EIF2AK2: variants seen among roughly 807,000 people sequenced by gnomAD.
EIF2AK2 encodes the protein eukaryotic translation initiation factor 2 alpha kinase 2, also known as interferon-induced, double-stranded RNA-activated protein kinase.
EIF2AK2 carries 40 observed loss-of-function variants against 70.5 expected under a neutral mutation model. The ratio of observed to expected loss-of-function variants is 0.57; its 90% CI spans 0.44 to 0.74. EIF2AK2 has a LOEUF of 0.74. Ranked by LOEUF, EIF2AK2 falls within the 30% of genes least tolerant of loss-of-function variation. The probability of loss-of-function intolerance (pLI) is 0.00; values close to 1 mark genes in which losing one functional copy is unlikely to be tolerated. For synonymous variants in EIF2AK2, 198 were observed against 220.9 expected (o/e 0.90, Z 0.92); for missense variants, 555 against 644.3 (o/e 0.86, Z 1.50).
chr2:37,111,398 C>CT (rs567678890), intron 14 of EIF2AK2, among the ~76,000 whole-genome samples: 2,379 of 130,842 alleles, frequency 0.018, 20 homozygotes, highest in Non-Finnish European at 0.027. Flanking sequence ...AATTTCTTTT[C>CT]TTTTTTTTTT....
chr2:37,145,286 G>A (rs1295025550), intron 4 of EIF2AK2, among the ~76,000 whole-genome samples: 1 of 151,680 alleles, frequency 6.6e-6, no homozygotes, highest in African/African-American at 2.4e-5. Context: ...GGAATTATAG[G>A]TGCCCACCAC....
At chr2:37,114,638 T>A (rs1674272582) in intron 14 of EIF2AK2, 93 bp downstream of exon 14, 1 of 1,183,792 alleles carries the variant, frequency 8.4e-7, no homozygotes, top group Non-Finnish European at 1.1e-6. Flanking sequence ...TATATACTTC[T>A]GTACAGTTTT....
chr2:37,156,704 A>G (rs1168093806), intron 1 of EIF2AK2, among the ~76,000 whole-genome samples: 14 of 152,202 alleles, frequency 9.2e-5, no homozygotes. Context: ...GGATTTGGGG[A>G]GGGCCCCACA....
At chr2:37,156,330 C>T (rs1675923002) in intron 1 of EIF2AK2, among the ~76,000 whole-genome samples, 1 of 152,072 alleles carries the variant, frequency 6.6e-6, no homozygotes, top group East Asian at 1.9e-4. Context: ...CGGGGAAGGT[C>T]GGAGCAGGGG....
At chr2:37,139,187 C>T (rs969440661) in intron 6 of EIF2AK2, among the ~76,000 whole-genome samples, 13 of 151,694 alleles carry the variant, frequency 8.6e-5, no homozygotes, top group Admixed American at 4.6e-4. Flanking sequence ...CGGTAGCAGG[C>T]GCTTGTAGTC....
intron 13 of EIF2AK2, among the ~76,000 whole-genome samples, chr2:37,119,585 T>TTA (rs945229224): frequency 1.9e-4 from 28 of 150,780 alleles, no homozygotes; most frequent in East Asian, 3.9e-4. Context: ...CTATCTTATT[T>TTA]TATATATATA....
rs191105486 is a variant in EIF2AK2, at chr2:37,101,739, C to T, written c.*5534G>A. On this transcript the variant is annotated 3_prime_UTR_variant, in exon 17 of 17. Coordinates refer to ENST00000233057, the MANE Select transcript of EIF2AK2 (RefSeq NM_001135651.3). ...TAAATTTTACAGAGTAAAGGAGACACATCAACCAAATGCAATGTTGGATCT... is the reference window on the plus strand; with the variant it reads ...TAAATTTTACAGAGTAAAGGAGACATATCAACCAAATGCAATGTTGGATCT... The T allele has an allele frequency of 2.6e-5, 4 of 152,230 alleles. No individual in the cohort carries two copies. The highest frequency in any genetic ancestry group is 7.2e-5 in the African/African-American group (3 of 41,548). 9.4% of individuals were successfully genotyped at this position (152,230 alleles called of 1,614,324 possible).
intron 12 of EIF2AK2, 23 bp from the exon 13 acceptor site, chr2:37,120,162 G>T (rs748958438): frequency 6.0e-6 from 8 of 1,330,264 alleles, no homozygotes; most frequent in Admixed American, 5.9e-5. Context: ...TTCACAGTAT[G>T]TTAAAAGTAA....
At position 37,107,026 on chromosome 2, in the gene EIF2AK2, A is replaced by G; in HGVS notation, c.*247T>C. ...CATTGCACTCCAGCCTGGGCAACAG[A>G]GCGAGACTCTGTCTTTAAAAAAAAA... On this transcript the variant is annotated 3_prime_UTR_variant, in exon 17 of 17. Transcript: ENST00000233057. 1 of 328,102 alleles carries G rather than the reference A, an allele frequency of 3.0e-6. No individual in the cohort carries two copies. The highest frequency in any genetic ancestry group is 5.1e-6 in the Non-Finnish European group (1 of 194,702). The allele number at this position is 328,102 out of a possible 1,614,324, so 20.3% of individuals were successfully genotyped here.
Position 37,114,731 on chromosome 2 carries a change from C to A in EIF2AK2, c.1377G>T (p.Gln459His). Residue 459 changes from glutamine (Q) to histidine (H), a missense_variant and splice_region_variant, in exon 14 of 17, where the codon CAG (glutamine) becomes CAT (histidine). Transcript: ENST00000233057. ...KGTLRYMSPE[Q>H]ISSQDYGKEV... is the part of the protein sequence containing the mutation. ...TAGACAGACAGGAAAGAGACCTTAC[C>A]TGTTCTGGGCTCATGTATCGCAAAG... 6.4e-7 allele frequency: 1 copy of A among 1,550,972 alleles called. No homozygotes were observed. Among genetic ancestry groups the A allele is most frequent in the Non-Finnish European group, 8.7e-7 (1 of 1,154,682 alleles).
At chr2:37,109,587 G>A (rs1032682140) in intron 14 of EIF2AK2, 1 of 281,482 alleles carries the variant, frequency 3.6e-6, no homozygotes, top group African/African-American at 2.2e-5. Context: ...AGGTAAAGCA[G>A]TTAAAATAGC....
Position 37,102,723 on chromosome 2 carries a change from G to GC in EIF2AK2, c.*4549dup, listed in dbSNP as rs1673855969. The GC allele has an allele frequency of 6.6e-6, 1 of 152,104 alleles. No individual in the cohort carries two copies. The highest frequency in any genetic ancestry group is 1.5e-5 in the Non-Finnish European group (1 of 68,036). The allele number at this position is 152,104 out of a possible 1,614,324, so 9.4% of individuals were successfully genotyped here. A position where few individuals can be genotyped will look rare whatever the true frequency, so the allele number is the denominator to read the frequency against. On this transcript the variant is annotated 3_prime_UTR_variant, in exon 17 of 17. Transcript: ENST00000233057. ...CCCCACACCTAATTTTTGAACGAGGGCCGTACAGTTTCATTTTGCCCTTAG... is the reference window on the plus strand; with the variant it reads ...CCCCACACCTAATTTTTGAACGAGGGCCCGTACAGTTTCATTTTGCCCTTAG...
At chr2:37,133,966 T>C (rs181571440) in intron 10 of EIF2AK2, among the ~76,000 whole-genome samples, 110 of 152,284 alleles carry the variant, frequency 7.2e-4, no homozygotes, top group Non-Finnish European at 1.5e-4. Flanking sequence ...CACTCCTCAC[T>C]GCTATCAAAC....
rs535581249 is a variant in EIF2AK2 at position 37,139,823 on chromosome 2, A to G, written c.390-66T>C. ...ATATAGCAAATCCAACTTAGGATTCAAAAAAAATAACATATTAACAGAGAT... is the reference window on the plus strand; with the variant it reads ...ATATAGCAAATCCAACTTAGGATTCGAAAAAAATAACATATTAACAGAGAT... On this transcript the variant is annotated intron_variant, in intron 5 of 16. Coordinates refer to ENST00000233057, the MANE Select transcript of EIF2AK2 (RefSeq NM_001135651.3). 16 of 1,384,220 alleles carry G rather than the reference A, an allele frequency of 1.2e-5. No individual in the cohort carries two copies. In the South Asian group the frequency reaches 1.7e-4, roughly 15 times the overall value. 85.7% of individuals were successfully genotyped at this position (1,384,220 alleles called of 1,614,324 possible).
chr2:37,143,920 A>C (rs1380776612), intron 4 of EIF2AK2, among the ~76,000 whole-genome samples: 8 of 152,172 alleles, frequency 5.3e-5, no homozygotes, highest in African/African-American at 1.9e-4. Flanking sequence ...AAAACTATTT[A>C]CATAGCATTT....
intron 14 of EIF2AK2, among the ~76,000 whole-genome samples, chr2:37,112,144 A>C (rs767599362): frequency 1.2e-4 from 18 of 151,920 alleles, no homozygotes; most frequent in Non-Finnish European, 2.5e-4. Context: ...AAAAGCCATC[A>C]CAAGGTTCTG....
chr2:37,111,567 A>G (rs2148665791), intron 14 of EIF2AK2, among the ~76,000 whole-genome samples: 1 of 151,740 alleles, frequency 6.6e-6, no homozygotes, highest in East Asian at 1.9e-4. Context: ...AAATATAAAC[A>G]ATATGACCAG....
At chr2:37,140,482 T>G (rs1675290749) in intron 5 of EIF2AK2, among the ~76,000 whole-genome samples, 1 of 152,198 alleles carries the variant, frequency 6.6e-6, no homozygotes. Flanking sequence ...ATGTTTCTGT[T>G]GGAAGCCATC....
At chr2:37,109,573 CA>C (rs1308132670) in intron 14 of EIF2AK2, 3 of 335,114 alleles carry the variant, frequency 9.0e-6, no homozygotes, top group African/African-American at 2.1e-5. Context: ...GAGTGAGATG[CA>C]GCAGGTAAAG....
Sources: gnomAD v4.1 joint callset for allele counts (sites outside exome capture counted in the v4.1 genomes callset) on GRCh38, gnomAD v4.1.1 for gene constraint, MANE v1.5 for transcripts, NCBI Gene and HGNC (gene_info 2026-07-23, HGNC 2026-07-21) for gene names.